The following DOCK10 variants were observed in gnomAD, a reference collection of about 807,000 sequenced individuals.
DOCK10 encodes the protein dedicator of cytokinesis 10.
Under a neutral mutation model 280.1 loss-of-function variants are expected in DOCK10, and 145 were observed. The observed-to-expected ratio is 0.52, with a 90% CI of 0.45 to 0.59. DOCK10 has a LOEUF of 0.59. DOCK10 is among the 20% of genes least tolerant of loss of function. DOCK10 has a pLI of 0.00. For missense variants in DOCK10, 2,368 were observed against 2,651.7 expected, an observed-to-expected ratio of 0.89 and a Z score of 2.35; for synonymous variants, 915 against 942.2, an observed-to-expected ratio of 0.97 and a Z score of 0.53.
chr2:224,958,664 A>G (rs562429816), intron 1 of DOCK10, among the ~76,000 whole-genome samples: 1 of 152,274 alleles, frequency 6.6e-6, no homozygotes, highest in South Asian at 2.1e-4. Context: ...AGTTTTAACC[A>G]ATATCATATG....
intron 1 of DOCK10, among the ~76,000 whole-genome samples, chr2:224,969,459 C>T (rs550391390): frequency 2.6e-5 from 4 of 152,204 alleles, no homozygotes; most frequent in African/African-American, 7.2e-5. Flanking sequence ...AAAAAGAAGA[C>T]GAATTTGTGA....
At chr2:224,766,240 C>T (rs555223341) in intron 55 of DOCK10, among the ~76,000 whole-genome samples, 49 of 152,180 alleles carry the variant, frequency 3.2e-4, no homozygotes, top group African/African-American at 1.1e-3. Context: ...AAAGTCTTGA[C>T]CTGATTTTAA....
chr2:224,877,494 T>C (rs1698709050), intron 7 of DOCK10, among the ~76,000 whole-genome samples: 1 of 137,450 alleles, frequency 7.3e-6, no homozygotes, highest in South Asian at 2.3e-4. Context: ...TTGGAATAGG[T>C]TCCTATTCCA....
At chr2:225,001,297 T>G (rs1164030920) in intron 1 of DOCK10, among the ~76,000 whole-genome samples, 3 of 150,220 alleles carry the variant, frequency 2.0e-5, no homozygotes, top group South Asian at 2.1e-4. Context: ...ACCTTTTTTT[T>G]TTTTTTTTTT....
chr2:225,032,396 G>T (rs1224406843), intron 1 of DOCK10, among the ~76,000 whole-genome samples: 3 of 152,090 alleles, frequency 2.0e-5, no homozygotes, highest in South Asian at 4.1e-4. Context: ...ACTCAGAAAG[G>T]TTCTGAAGGC....
At chr2:224,979,963 T>TA (rs35303687) in intron 1 of DOCK10, among the ~76,000 whole-genome samples, 2,454 of 148,800 alleles carry the variant, frequency 0.016, 57 homozygotes, top group African/African-American at 0.047. Flanking sequence ...TGTGATCTTA[T>TA]AAAAAAAAAA....
At chr2:224,888,303 C>T (rs1403227850) in intron 4 of DOCK10, among the ~76,000 whole-genome samples, 1 of 150,038 alleles carries the variant, frequency 6.7e-6, no homozygotes, top group African/African-American at 2.5e-5. Flanking sequence ...TAGGACGTTT[C>T]CATATATGTG....
intron 29 of DOCK10, among the ~76,000 whole-genome samples, chr2:224,817,031 G>GA: frequency 6.6e-6 from 1 of 152,004 alleles, no homozygotes. Flanking sequence ...CATTTATTCT[G>GA]AAAAAAATTC....
chr2:224,925,477 CTT>C (rs1467945430), intron 2 of DOCK10, among the ~76,000 whole-genome samples: 3 of 152,186 alleles, frequency 2.0e-5, no homozygotes, highest in African/African-American at 7.2e-5. Flanking sequence ...TAATGAGACT[CTT>C]AGGTGACTGT....
Position 225,042,113 on chromosome 2 carries a change from G to A in DOCK10, c.123+139C>T. ...GGTGGCGCCGGGGGAGCCCGCAGAG[G>A]CGGCGGGGGAGGGAGTGCGGAGGAG... On this transcript the variant is annotated intron_variant, in intron 1 of 55. Transcript: ENST00000258390. This position sits in a 1 kb window ranked among gnomAD's most constrained non-coding sequence, Gnocchi z 5.1. The A allele has an allele frequency of 1.9e-6, 2 of 1,045,608 alleles. No individual in the cohort carries two copies. The highest frequency in any genetic ancestry group is 4.9e-5 in the South Asian group (1 of 20,320). 64.8% of individuals were successfully genotyped at this position (1,045,608 alleles called of 1,614,324 possible). A position where few individuals can be genotyped will look rare whatever the true frequency, so the allele number is the denominator to read the frequency against.
intron 1 of DOCK10, among the ~76,000 whole-genome samples, chr2:224,945,465 A>G (rs1399349877): frequency 6.6e-6 from 1 of 152,164 alleles, no homozygotes; most frequent in Non-Finnish European, 1.5e-5. Flanking sequence ...GTAGGGGCTC[A>G]ACTGCATGTA....
chr2:224,777,015 A>G (rs1363500973), intron 51 of DOCK10, among the ~76,000 whole-genome samples: 1 of 152,166 alleles, frequency 6.6e-6, no homozygotes, highest in African/African-American at 2.4e-5. Flanking sequence ...GCCCCATGTG[A>G]ACTGTGAGCT....
At chr2:224,796,240 T>C (rs1692566447) in intron 44 of DOCK10, 76 bp downstream of exon 44, 1 of 930,970 alleles carries the variant, frequency 1.1e-6, no homozygotes, top group African/African-American at 1.7e-5. Context: ...ATTTTTATGA[T>C]TTTGATATCT....
At chr2:224,962,801 A>G (rs1296861598) in intron 1 of DOCK10, among the ~76,000 whole-genome samples, 2 of 152,244 alleles carry the variant, frequency 1.3e-5, no homozygotes, top group African/African-American at 2.4e-5. Flanking sequence ...CAGACATTAT[A>G]GTTCTCACTG....
chr2:224,814,314 A>C lies in DOCK10; in HGVS notation c.3409+6T>G, dbSNP rs77952666. 40,442 of 1,516,814 alleles carry C rather than the reference A, an allele frequency of 0.027. 635 individuals are homozygous for C. Among genetic ancestry groups the C allele is most frequent in the Middle Eastern group, 0.072 (355 of 4,956 alleles). The allele number at this position is 1,516,814 out of a possible 1,614,324, so 94.0% of individuals were successfully genotyped here. A position where few individuals can be genotyped will look rare whatever the true frequency, so the allele number is the denominator to read the frequency against. ...ACTGATGCTTAGGTAAGGTAATATC[A>C]CTTACCTGATGCATGTAACTCTTGA... On this transcript the variant is annotated splice_donor_region_variant and intron_variant, in intron 31 of 55. Transcript: ENST00000258390.
chr2:224,885,995 G>T, intron 6 of DOCK10, 68 bp downstream of exon 6: 14 of 1,599,100 alleles, frequency 8.8e-6, no homozygotes, highest in Non-Finnish European at 1.2e-5. Context: ...TCTCTTCTGT[G>T]CTGTGACCAG....
chr2:224,876,770 G>A (rs2125699004), intron 7 of DOCK10, among the ~76,000 whole-genome samples: 1 of 152,282 alleles, frequency 6.6e-6, no homozygotes, highest in Non-Finnish European at 1.5e-5. Context: ...TCTATTCTGA[G>A]TGTGGCTGCC....
intron 55 of DOCK10, chr2:224,769,007 C>T: frequency 2.3e-6 from 1 of 440,082 alleles, no homozygotes; most frequent in Non-Finnish European, 4.5e-6. Context: ...ATGTGATTTA[C>T]AGTTGGAGAC....
In DOCK10 at chr2:224,844,843, C is replaced by T; in HGVS notation, c.2482-4G>A. On this transcript the variant is annotated splice_region_variant and splice_polypyrimidine_tract_variant and intron_variant, in intron 21 of 55. Transcript: ENST00000258390. Reference sequence around the variant, plus strand: ...ATTTAATGTCACTCCCACCATGCTGCAAAATAAAGTTTGTTTACTGTCACT... The same window carrying T: ...ATTTAATGTCACTCCCACCATGCTGTAAAATAAAGTTTGTTTACTGTCACT... The T allele has an allele frequency of 6.2e-7, 1 of 1,601,092 alleles. No homozygotes were observed. The highest frequency in any genetic ancestry group is 1.3e-5 in the African/African-American group (1 of 74,810).
Sources: gnomAD v4.1 joint callset for allele counts (sites outside exome capture counted in the v4.1 genomes callset) on GRCh38, gnomAD v4.1.1 for gene constraint, Gnocchi (gnomAD v3.1) non-coding constraint, MANE v1.5 for transcripts, NCBI Gene and HGNC (gene_info 2026-07-23, HGNC 2026-07-21) for gene names.